The following ADAP1 variants were observed in gnomAD, a reference collection of about 807,000 sequenced individuals.
ADAP1 encodes the protein arf-GAP with dual PH domain-containing protein 1.
Under a neutral mutation model 54.9 loss-of-function variants are expected in ADAP1, and 31 were observed. That is an observed-to-expected ratio of 0.56 (90% CI 0.42 to 0.76). The LOEUF is 0.76. Among genes scored for constraint, ADAP1 ranks in the 30% least tolerant of loss-of-function variants. ADAP1 has a pLI of 0.00. For synonymous variants in ADAP1, 313 were observed against 202.6 expected (o/e 1.55, Z -4.63); for missense variants, 535 against 512.4 (o/e 1.04, Z -0.42).
intron 1 of ADAP1, among the ~76,000 whole-genome samples, chr7:949,788 TCCACACCCGG>T (rs67224186): frequency 0.087 from 13,236 of 152,182 alleles, 866 homozygotes; most frequent in African/African-American, 0.18. Context: ...ACACCAGCCC[TCCACACCCGG>T]CCACAGGGCA....
intron 4 of ADAP1, among the ~76,000 whole-genome samples, chr7:915,588 C>T (rs1030808398): frequency 4.6e-5 from 7 of 152,250 alleles, no homozygotes; most frequent in African/African-American, 1.7e-4. Flanking sequence ...TCCCTCCAAC[C>T]CCTGCCCGAG....
chr7:902,974 C>A (rs1357740429), intron 6 of ADAP1, among the ~76,000 whole-genome samples: 2 of 152,184 alleles, frequency 1.3e-5, no homozygotes, highest in African/African-American at 4.8e-5. Flanking sequence ...CCTTTCCCTC[C>A]AGGCACATCA....
chr7:933,132 G>A (rs539581025), intron 2 of ADAP1, among the ~76,000 whole-genome samples: 54 of 152,044 alleles, frequency 3.6e-4, no homozygotes, highest in African/African-American at 1.0e-3. Context: ...TTAGCCGGGC[G>A]TGGTGGCGTG....
At chr7:929,138 A>G (rs1225902152) in intron 2 of ADAP1, among the ~76,000 whole-genome samples, 1 of 152,212 alleles carries the variant, frequency 6.6e-6, no homozygotes, top group East Asian at 1.9e-4. Context: ...CTGAAAATAC[A>G]AAAATTAGCC....
intron 4 of ADAP1, among the ~76,000 whole-genome samples, chr7:912,115 T>C (rs1488791298): frequency 6.6e-6 from 1 of 152,148 alleles, no homozygotes; most frequent in East Asian, 1.9e-4. Context: ...CCGTCTGCCC[T>C]GTGACATTTA....
intron 1 of ADAP1, among the ~76,000 whole-genome samples, chr7:936,470 G>T (rs1279565232): frequency 6.6e-6 from 1 of 152,218 alleles, no homozygotes; most frequent in Non-Finnish European, 1.5e-5. Context: ...GGGATGACAG[G>T]CGTGAGCCAC....
At position 906,675 on chromosome 7, in the gene ADAP1, GGACA is replaced by G. The variant is rs1349619055; in HGVS notation, c.389-1507_389-1504del. 2.6e-4 allele frequency among the ~76,000 whole-genome samples: 24 copies of G among 90,888 alleles called. 5 individuals carry two copies. The highest frequency in any genetic ancestry group is 4.5e-3 in the Middle Eastern group (1 of 224). The allele number at this position is 90,888 out of a possible 152,430, so 59.6% of individuals were successfully genotyped here. ...AGAAAGGGGGCGGGAAAGGGGACATGGACAGGGGACACGGGGGACATGGACATGG... is the reference window on the plus strand; with the variant it reads ...AGAAAGGGGGCGGGAAAGGGGACATGGGGGACACGGGGGACATGGACATGG... On this transcript the variant is annotated intron_variant, in intron 4 of 10. Coordinates refer to ENST00000265846, the MANE Select transcript of ADAP1 (RefSeq NM_006869.4).
upstream of ADAP1, among the ~76,000 whole-genome samples, chr7:954,873 C>A (rs1265461155): frequency 6.6e-6 from 1 of 151,836 alleles, no homozygotes; most frequent in Non-Finnish European, 1.5e-5. Context: ...CCTGCCTGGG[C>A]GCGAGGCCGC....
intron 6 of ADAP1, among the ~76,000 whole-genome samples, chr7:902,771 G>GACAAGGGACCCTTGCCA (rs1184957445): frequency 4.9e-5 from 7 of 142,154 alleles, no homozygotes; most frequent in African/African-American, 1.8e-4. Context: ...CACATGAAAA[G>GACAAGGGACCCTTGCCA]ACGAGGGACC....
intron 1 of ADAP1, among the ~76,000 whole-genome samples, chr7:937,232 GCCTCTGGGATTTGGGGGTCACGCCCGA>G (rs1846796330): frequency 2.5e-5 from 1 of 39,236 alleles, no homozygotes; most frequent in African/African-American, 1.7e-4. Context: ...GTCACGCCCG[GCCTCTGGGATTTGGGGGTCACGCCCGA>G]CCTCTGGGAT....
intron 4 of ADAP1, among the ~76,000 whole-genome samples, chr7:914,977 T>A (rs1035027354): frequency 3.9e-5 from 5 of 127,172 alleles, no homozygotes; most frequent in African/African-American, 1.6e-4. Flanking sequence ...ACTCAGCACC[T>A]CTGGGTCCCT....
intron 1 of ADAP1, among the ~76,000 whole-genome samples, chr7:939,200 G>T (rs975847016): frequency 6.6e-6 from 1 of 152,046 alleles, no homozygotes; most frequent in African/African-American, 2.4e-5. Flanking sequence ...GAGACTCTAC[G>T]GCCCTAAAAT....
intron 4 of ADAP1, among the ~76,000 whole-genome samples, chr7:913,948 C>G (rs1845829057): frequency 6.6e-6 from 1 of 152,132 alleles, no homozygotes; most frequent in Non-Finnish European, 1.5e-5. Flanking sequence ...ACAAAAAACT[C>G]CTTCAGAAAA....
Position 926,408 on chromosome 7 carries a change from C to T in ADAP1, c.305+145G>A, listed in dbSNP as rs1019062813. 62 of 574,178 alleles carry T rather than the reference C, an allele frequency of 1.1e-4. 2 individuals carry two copies. Among genetic ancestry groups the T allele is most frequent in the South Asian group, 1.0e-3 (46 of 44,150 alleles). The allele number at this position is 574,178 out of a possible 1,614,324, so 35.6% of individuals were successfully genotyped here. A position where few individuals can be genotyped will look rare whatever the true frequency, so the allele number is the denominator to read the frequency against. On this transcript the variant is annotated intron_variant, in intron 3 of 10. Transcript: ENST00000265846. The surrounding 1 kb of genome is among the most constrained non-coding windows in gnomAD (Gnocchi z 4.6). ...TGGCCAGCAGACACAGGCGGCACCT[C>T]GGGGTCTGGGGGACGCAGCTGCGGC...
At chr7:900,331 C>T (rs13223989) in intron 7 of ADAP1, among the ~76,000 whole-genome samples, 167 bp from the exon 8 acceptor site, 1 of 152,178 alleles carries the variant, frequency 6.6e-6, no homozygotes, top group African/African-American at 2.4e-5. Flanking sequence ...GCCACCCCTT[C>T]CCTCCCCGCT....
At chr7:935,617 G>T in intron 1 of ADAP1, 112 bp from the exon 2 acceptor site, 1 of 1,375,790 alleles carries the variant, frequency 7.3e-7, no homozygotes, top group African/African-American at 1.5e-5. Flanking sequence ...GGGCTTCAGC[G>T]GAGACCCCCG....
upstream of ADAP1, chr7:955,163 A>T: frequency 5.2e-6 from 4 of 765,996 alleles, no homozygotes; most frequent in Non-Finnish European, 8.7e-6. Context: ...TCCCCCTGAG[A>T]CCCACCCAGC....
intron 4 of ADAP1, among the ~76,000 whole-genome samples, chr7:907,461 G>C (rs1458636862): frequency 6.6e-6 from 1 of 152,176 alleles, no homozygotes; most frequent in Non-Finnish European, 1.5e-5. Flanking sequence ...GGGCCCGTGG[G>C]ATCGTCCTGG....
chr7:919,676 G>A (rs1846089758), intron 4 of ADAP1, among the ~76,000 whole-genome samples: 1 of 71,624 alleles, frequency 1.4e-5, no homozygotes, highest in Non-Finnish European at 2.8e-5. Context: ...GAGACAGAAG[G>A]AGGGAGAGAG....
Sources: allele counts gnomAD v4.1 joint callset (sites outside exome capture counted in the v4.1 genomes callset), GRCh38; gene constraint gnomAD v4.1.1; non-coding constraint Gnocchi (gnomAD v3.1); transcripts MANE v1.5; gene names NCBI Gene and HGNC (gene_info 2026-07-23, HGNC 2026-07-21).